Variants in UGGT2 observed in about 807,000 individuals in gnomAD.
UGGT2 encodes the protein UDP-glucose:glycoprotein glucosyltransferase 2.
In UGGT2, 180 loss-of-function variants were observed where a neutral mutation model predicts 192.1. That is an observed-to-expected ratio of 0.94 (90% CI 0.83 to 1.06). The LOEUF (loss-of-function observed/expected upper bound fraction) is 1.06, where lower values mean the gene tolerates loss of function less well. Ranked by LOEUF, UGGT2 falls within the 50% of genes least tolerant of loss-of-function variation. The pLI is 0.00. For missense variants in UGGT2, 1,849 were observed against 1,795.7 expected, an observed-to-expected ratio of 1.03 and a Z score of -0.54; for synonymous variants, 580 against 591.0, an observed-to-expected ratio of 0.98 and a Z score of 0.27.
chr13:95,993,600 A>T (rs993249902), intron 7 of UGGT2, among the ~76,000 whole-genome samples: 3 of 152,148 alleles, frequency 2.0e-5, no homozygotes, highest in Non-Finnish European at 4.4e-5. Flanking sequence ...ACCATTTTGT[A>T]AGCTGTATTA....
intron 8 of UGGT2, 36 bp from the exon 9 acceptor site, chr13:95,986,468 A>G (rs762192074): frequency 4.3e-6 from 6 of 1,402,014 alleles, no homozygotes; most frequent in East Asian, 2.3e-5. Flanking sequence ...ATCTAGCATA[A>G]TATTAGACCT....
intron 17 of UGGT2, among the ~76,000 whole-genome samples, 157 bp downstream of exon 17, chr13:95,936,767 G>A (rs1045662789): frequency 3.3e-5 from 5 of 152,214 alleles, no homozygotes; most frequent in African/African-American, 7.2e-5. Flanking sequence ...GCAGGGTGGC[G>A]TGGCTTAAGC....
intron 5 of UGGT2, among the ~76,000 whole-genome samples, chr13:96,003,763 C>G (rs1282365474): frequency 1.3e-5 from 2 of 152,148 alleles, no homozygotes; most frequent in Non-Finnish European, 2.9e-5. Flanking sequence ...TAATCTAGTA[C>G]TGAATGACCC....
chr13:95,991,876 A>G (rs779075962), intron 7 of UGGT2, among the ~76,000 whole-genome samples: 4 of 152,188 alleles, frequency 2.6e-5, no homozygotes, highest in Non-Finnish European at 4.4e-5. Context: ...ACTGTGGAAG[A>G]CTAATTTTGA....
chr13:96,026,531 C>T (rs2052669219), intron 2 of UGGT2, among the ~76,000 whole-genome samples: 1 of 151,778 alleles, frequency 6.6e-6, no homozygotes, highest in African/African-American at 2.4e-5. Context: ...ACAAAATAGA[C>T]ATTCAATAAA....
At chr13:95,846,706 G>C (rs570155799) in intron 36 of UGGT2, among the ~76,000 whole-genome samples, 91 of 152,034 alleles carry the variant, frequency 6.0e-4, no homozygotes, top group African/African-American at 2.1e-3. Context: ...CTGGGCCTGG[G>C]GATTTAAACT....
At chr13:95,856,407 A>G (rs1158370617) in intron 33 of UGGT2, 67 bp from the exon 34 acceptor site, 16 of 1,538,844 alleles carry the variant, frequency 1.0e-5, no homozygotes, top group Non-Finnish European at 1.2e-5. Context: ...AGAGAAAAAA[A>G]TAACATTAAA....
chr13:95,860,719 AT>A (rs1295811656), intron 32 of UGGT2, 68 bp downstream of exon 32: 1,232 of 1,016,748 alleles, frequency 1.2e-3, no homozygotes, highest in South Asian at 1.6e-3. Context: ...ATATTCCTTT[AT>A]TTTTTTTTGA....
intron 16 of UGGT2, among the ~76,000 whole-genome samples, chr13:95,939,097 C>A (rs988164869): frequency 6.6e-6 from 1 of 152,162 alleles, no homozygotes; most frequent in Non-Finnish European, 1.5e-5. Context: ...TATTCAGACC[C>A]CTTGCTTGCC....
chr13:96,052,983 C>G (rs960941566), intron 1 of UGGT2, among the ~76,000 whole-genome samples, 172 bp downstream of exon 1: 3 of 152,222 alleles, frequency 2.0e-5, no homozygotes, highest in African/African-American at 4.8e-5. Context: ...GCACGGGAAC[C>G]GAGAAGCCGC....
chr13:95,910,785 A>G (rs1256833940), intron 20 of UGGT2, among the ~76,000 whole-genome samples: 2 of 152,148 alleles, frequency 1.3e-5, no homozygotes, highest in Admixed American at 1.3e-4. Flanking sequence ...CAGAATATAC[A>G]TTCTTTGGAG....
At chr13:95,927,174 C>T (rs765824048) in intron 18 of UGGT2, 39 bp downstream of exon 18, 3 of 1,607,260 alleles carry the variant, frequency 1.9e-6, no homozygotes, top group Non-Finnish European at 1.7e-6. Flanking sequence ...GAATTCACAA[C>T]TCAATAAACA....
intron 12 of UGGT2, among the ~76,000 whole-genome samples, chr13:95,949,974 G>T (rs1430118996): frequency 6.6e-6 from 1 of 152,164 alleles, no homozygotes; most frequent in African/African-American, 2.4e-5. Context: ...CAATCAAGAA[G>T]TGAGGCATTA....
intron 12 of UGGT2, among the ~76,000 whole-genome samples, chr13:95,963,204 C>G (rs1594451013): frequency 6.6e-6 from 1 of 151,894 alleles, no homozygotes; most frequent in Non-Finnish European, 1.5e-5. Context: ...ATATAATACA[C>G]CATGATCAAG....
At chr13:95,892,203 ACTG>A (rs767510695) in intron 24 of UGGT2, among the ~76,000 whole-genome samples, 13 of 152,076 alleles carry the variant, frequency 8.5e-5, no homozygotes, top group African/African-American at 1.2e-4. Context: ...TTTCTCCCAG[ACTG>A]CTAATTCTAT....
Position 95,900,719 on chromosome 13 carries a change from TCA to T in UGGT2, c.2634+86_2634+87del, listed in dbSNP as rs201819681. 574 of 1,387,434 alleles carry T rather than the reference TCA, an allele frequency of 4.1e-4. 7 individuals carry two copies. The East Asian group carries it at 0.013, about 31-fold the overall frequency. The allele number at this position is 1,387,434 out of a possible 1,614,324, so 85.9% of individuals were successfully genotyped here. On this transcript the variant is annotated intron_variant, in intron 22 of 38. Coordinates refer to ENST00000376747, the MANE Select transcript of UGGT2 (RefSeq NM_020121.4). ...GAACACCGTCCTCTGTGTGTGTCAG[TCA>T]CATCAGGGGAATTGTGACAGAAAAA... is the stretch of plus-strand genomic sequence containing the variant.
intron 17 of UGGT2, among the ~76,000 whole-genome samples, chr13:95,935,936 C>T (rs1320081796): frequency 6.6e-6 from 1 of 152,174 alleles, no homozygotes; most frequent in East Asian, 1.9e-4. Context: ...AAGTGATCCT[C>T]TTGCCTCAGC....
chr13:95,939,735 A>G (rs1233797434), intron 16 of UGGT2, among the ~76,000 whole-genome samples: 1 of 152,164 alleles, frequency 6.6e-6, no homozygotes, highest in Non-Finnish European at 1.5e-5. Flanking sequence ...AGTCACCACC[A>G]TGTACAATAG....
At chr13:95,924,408 T>TTTTTTTTTTTTTTTTTTTTTTG in intron 20 of UGGT2, among the ~76,000 whole-genome samples, 1 of 143,978 alleles carries the variant, frequency 6.9e-6, no homozygotes, top group African/African-American at 2.6e-5. Context: ...TTTTTTTTTT[T>TTTTTTTTTTTTTTTTTTTTTTG]TTTTTTTTTT....
Sources: allele counts gnomAD v4.1 joint callset (sites outside exome capture counted in the v4.1 genomes callset), GRCh38; gene constraint gnomAD v4.1.1; transcripts MANE v1.5; gene names NCBI Gene and HGNC (gene_info 2026-07-23, HGNC 2026-07-21).